Variants in CDC42BPB observed in about 807,000 individuals in gnomAD.
CDC42BPB encodes CDC42 binding protein kinase beta.
Under a neutral mutation model 214.9 loss-of-function variants are expected in CDC42BPB, and 37 were observed. The observed-to-expected ratio is 0.17, with a 90% CI of 0.13 to 0.23. The LOEUF is 0.23. Among genes scored for constraint, CDC42BPB ranks in the 10% least tolerant of loss-of-function variants. The pLI is 1.00. For missense variants in CDC42BPB, 1,694 were observed against 2,227.0 expected (o/e 0.76, Z 4.82); for synonymous variants, 931 against 884.0 (o/e 1.05, Z -0.94).
intron 1 of CDC42BPB, among the ~76,000 whole-genome samples, chr14:103,029,035 T>G (rs912610499): frequency 2.6e-5 from 4 of 152,172 alleles, no homozygotes; most frequent in Admixed American, 6.6e-5. Context: ...CTAAATTGAA[T>G]AGTCAATATG....
intron 5 of CDC42BPB, among the ~76,000 whole-genome samples, chr14:102,996,172 T>C (rs1894722510): frequency 1.3e-5 from 2 of 151,974 alleles, no homozygotes; most frequent in Admixed American, 1.3e-4. Context: ...ACCCCATCTC[T>C]ACTAAAAATA....
chr14:102,975,168 C>T (rs999044804), intron 11 of CDC42BPB, among the ~76,000 whole-genome samples: 9 of 152,142 alleles, frequency 5.9e-5, no homozygotes, highest in African/African-American at 2.2e-4. Flanking sequence ...AGCCAGAGAA[C>T]GTACAGATAA....
chr14:103,034,743 G>A (rs1887572602), intron 1 of CDC42BPB, among the ~76,000 whole-genome samples: 2 of 151,816 alleles, frequency 1.3e-5, no homozygotes, highest in Non-Finnish European at 2.9e-5. Context: ...CCCTGAACCC[G>A]GGAGGCGGAG....
At chr14:102,962,978 T>C (rs1893028914) in intron 20 of CDC42BPB, 83 bp downstream of exon 20, 2 of 687,210 alleles carry the variant, frequency 2.9e-6, no homozygotes, top group Admixed American at 2.7e-5. Flanking sequence ...CTAAAGTAAC[T>C]ATTAAGTCGA....
At position 103,026,322 on chromosome 14, in the gene CDC42BPB, C is replaced by T. The variant is rs1887051316; in HGVS notation, c.176-14134G>A. ...AGGAGAATCGCGTGAACCTGGGAGGCAGAGGTTGCAGTGAGCCGAGATCAC... is the reference window on the plus strand; with the variant it reads ...AGGAGAATCGCGTGAACCTGGGAGGTAGAGGTTGCAGTGAGCCGAGATCAC... On this transcript the variant is annotated intron_variant, in intron 1 of 36. Coordinates refer to ENST00000361246, the MANE Select transcript of CDC42BPB (RefSeq NM_006035.4). Among the ~76,000 whole-genome samples, 5 of 151,900 alleles carry T rather than the reference C, an allele frequency of 3.3e-5. No individual in the cohort carries two copies. In the South Asian group the frequency reaches 1.0e-3, roughly 32 times the overall value.
chr14:103,001,197 A>G lies in CDC42BPB; in HGVS notation c.448-1484T>C, dbSNP rs1378357846. 2.0e-5 allele frequency among the ~76,000 whole-genome samples: 3 copies of G among 152,106 alleles called. No individual in the cohort carries two copies. Among genetic ancestry groups the G allele is most frequent in the Non-Finnish European group, 2.9e-5 (2 of 68,008 alleles). On this transcript the variant is annotated intron_variant, in intron 4 of 36. Coordinates refer to ENST00000361246, the MANE Select transcript of CDC42BPB (RefSeq NM_006035.4). The surrounding 1 kb of genome is among the most constrained non-coding windows in gnomAD (Gnocchi z 5.8). ...CCAGCCTCCCCGCCCTGGCTCAGGCACTGCCCGTCCTTCCCCGCCGAGTTT... is the reference window on the plus strand; with the variant it reads ...CCAGCCTCCCCGCCCTGGCTCAGGCGCTGCCCGTCCTTCCCCGCCGAGTTT...
chr14:102,961,375 C>A (rs1892951828), intron 20 of CDC42BPB, among the ~76,000 whole-genome samples: 1 of 151,886 alleles, frequency 6.6e-6, no homozygotes, highest in African/African-American at 2.4e-5. Context: ...GGCTCTGTCA[C>A]CCAGGCTGGA....
intron 21 of CDC42BPB, chr14:102,954,958 C>G (rs1357098776): frequency 4.5e-6 from 1 of 223,862 alleles, no homozygotes; most frequent in African/African-American, 2.3e-5. Context: ...GTCACAGTCA[C>G]CCCGCTGAGG....
chr14:102,972,222 G>T, intron 12 of CDC42BPB, 61 bp from the exon 13 acceptor site: 1 of 1,588,176 alleles, frequency 6.3e-7, no homozygotes, highest in South Asian at 1.2e-5. Context: ...AAGGCTGGAG[G>T]TTCGGTCTTC....
chr14:103,037,831 C>A (rs1887751311), intron 1 of CDC42BPB, among the ~76,000 whole-genome samples: 1 of 151,800 alleles, frequency 6.6e-6, no homozygotes, highest in Non-Finnish European at 1.5e-5. Flanking sequence ...GAGATCGAGA[C>A]CATCCTGGCT....
chr14:103,056,749 G>A (rs896350699), intron 1 of CDC42BPB, among the ~76,000 whole-genome samples: 3 of 152,080 alleles, frequency 2.0e-5, no homozygotes, highest in Admixed American at 2.0e-4. Flanking sequence ...ATCGAACGCG[G>A]ATGTCGAGCC....
chr14:102,997,622 C>T (rs78819170), intron 5 of CDC42BPB, among the ~76,000 whole-genome samples: 5,006 of 152,204 alleles, frequency 0.033, 267 homozygotes, highest in African/African-American at 0.11. Flanking sequence ...GATGCATGTC[C>T]GGTACGGAGC....
intron 21 of CDC42BPB, among the ~76,000 whole-genome samples, chr14:102,956,641 G>A (rs565412328): frequency 2.0e-5 from 3 of 152,074 alleles, no homozygotes; most frequent in African/African-American, 7.2e-5. Context: ...ACCGGTCTGG[G>A]CAATATAGCA....
intron 6 of CDC42BPB, among the ~76,000 whole-genome samples, chr14:102,984,651 C>T (rs1188922787): frequency 1.3e-5 from 2 of 151,950 alleles, no homozygotes; most frequent in African/African-American, 4.8e-5. Context: ...GAGAAATCAT[C>T]CAAGCAGAGA....
rs1339790462 is a variant in CDC42BPB at position 102,943,250 on chromosome 14, A to T, written c.4408+641T>A. The stretch of plus-strand genomic sequence containing the variant: ...CAGTCTCGCACAGTGCTGGGATTAC[A>T]GGTGTGAGCCACCGCTCTCCACCCG... On this transcript the variant is annotated intron_variant, in intron 30 of 36. Transcript: ENST00000361246. This position sits in a 1 kb window ranked among gnomAD's most constrained non-coding sequence, Gnocchi z 4.6. 6.6e-6 allele frequency among the ~76,000 whole-genome samples: 1 copy of T among 152,192 alleles called. No homozygotes were observed. Among genetic ancestry groups the T allele is most frequent in the Non-Finnish European group, 1.5e-5 (1 of 68,024 alleles).
At position 102,943,079 on chromosome 14, in the gene CDC42BPB, G is replaced by C. The variant is rs1424714404; in HGVS notation, c.4408+812C>G. The stretch of plus-strand genomic sequence containing the variant: ...GTAGAGATGGGGTTTCACCCTATTA[G>C]CCAGGATGGTCTCGATCTCCTAACC... On this transcript the variant is annotated intron_variant, in intron 30 of 36. Coordinates refer to ENST00000361246, the MANE Select transcript of CDC42BPB (RefSeq NM_006035.4). The surrounding 1 kb of genome is among the most constrained non-coding windows in gnomAD (Gnocchi z 4.6). Among the ~76,000 whole-genome samples the C allele has an allele frequency of 6.6e-6, 1 of 152,166 alleles. No homozygotes were observed. The highest frequency in any genetic ancestry group is 1.5e-5 in the Non-Finnish European group (1 of 68,024).
chr14:103,018,970 G>T (rs577553002), intron 1 of CDC42BPB, among the ~76,000 whole-genome samples: 1 of 152,238 alleles, frequency 6.6e-6, no homozygotes, highest in South Asian at 2.1e-4. Context: ...TTGAGACAGG[G>T]TTTTGCTCTG....
chr14:102,979,012 T>C (rs1440328318), intron 8 of CDC42BPB, among the ~76,000 whole-genome samples: 2 of 152,018 alleles, frequency 1.3e-5, no homozygotes, highest in Non-Finnish European at 2.9e-5. Flanking sequence ...TCTCAAAAAA[T>C]AAAAAATATA....
In CDC42BPB at chr14:102,943,839, T is replaced by C. The variant is rs1480563916; in HGVS notation, c.4408+52A>G. ...AAAGCAAAATCGAACACATGCTGAC[T>C]GTCGGTGGGAAAAGCAGCAACAGGG... On this transcript the variant is annotated intron_variant, in intron 30 of 36. Transcript: ENST00000361246. This position sits in a 1 kb window ranked among gnomAD's most constrained non-coding sequence, Gnocchi z 4.6. 8.6e-6 allele frequency: 13 copies of C among 1,508,208 alleles called. No homozygotes were observed. The highest frequency in any genetic ancestry group is 9.0e-6 in the Non-Finnish European group (10 of 1,116,614). 93.4% of individuals were successfully genotyped at this position (1,508,208 alleles called of 1,614,324 possible).
Sources: allele counts gnomAD v4.1 joint callset (sites outside exome capture counted in the v4.1 genomes callset), GRCh38; gene constraint gnomAD v4.1.1; non-coding constraint Gnocchi (gnomAD v3.1); transcripts MANE v1.5; gene names NCBI Gene and HGNC (gene_info 2026-07-23, HGNC 2026-07-21).